Variants in CRADD observed in about 807,000 individuals in gnomAD.
The protein encoded by CRADD is death domain-containing protein CRADD.
A neutral mutation model predicts 15.5 loss-of-function variants in CRADD; 9 were observed. The observed-to-expected ratio is 0.58, with a 90% CI of 0.35 to 1.01. CRADD has a LOEUF of 1.01. Among genes scored for constraint, CRADD ranks in the 50% least tolerant of loss-of-function variants. CRADD has a pLI of 0.02. For missense variants in CRADD, 227 were observed against 250.3 expected, an observed-to-expected ratio of 0.91 and a Z score of 0.63; for synonymous variants, 118 against 107.6, an observed-to-expected ratio of 1.10 and a Z score of -0.60.
At position 93,738,185 on chromosome 12, in the gene CRADD, G is replaced by C. The variant is rs746391045; in HGVS notation, c.298+59113G>C. The C allele has an allele frequency of 1.6e-5, 10 of 607,720 alleles. No individual in the cohort carries two copies. In the African/African-American group the frequency reaches 1.7e-4, roughly 10 times the overall value. The allele number at this position is 607,720 out of a possible 1,614,324, so 37.6% of individuals were successfully genotyped here. On this transcript the variant is annotated intron_variant, in intron 2 of 2. Transcript: ENST00000332896. The stretch of plus-strand genomic sequence containing the variant: ...TCAGTTGGAACAAAACAACAGCGCT[G>C]CTCATTTTTTGCAGGGTTAGAGGAA...
intron 2 of CRADD, among the ~76,000 whole-genome samples, chr12:93,754,612 G>T (rs550119608): frequency 6.6e-6 from 1 of 152,294 alleles, no homozygotes; most frequent in South Asian, 2.1e-4. Context: ...CTTTGCTAAA[G>T]CATAGCAAGA....
At chr12:93,707,840 A>G (rs1358739068) in intron 2 of CRADD, 2 of 152,226 alleles carry the variant, frequency 1.3e-5, no homozygotes, top group Non-Finnish European at 2.9e-5. Flanking sequence ...CAGGTGGCTT[A>G]AAGTGCAAAT....
intron 2 of CRADD, among the ~76,000 whole-genome samples, chr12:93,879,832 G>A (rs1723425051): frequency 6.6e-6 from 1 of 152,174 alleles, no homozygotes; most frequent in African/African-American, 2.4e-5. Flanking sequence ...GAGAGGTGGG[G>A]CACTGGCCTG....
At position 93,850,346 on chromosome 12, in the gene CRADD, G is replaced by A. The variant is rs1958203156; in HGVS notation, c.*75G>A. 1 of 1,492,282 alleles carries A rather than the reference G, an allele frequency of 6.7e-7. No individual in the cohort carries two copies. Among genetic ancestry groups the A allele is most frequent in the Non-Finnish European group, 8.9e-7 (1 of 1,126,574 alleles). 92.4% of individuals were successfully genotyped at this position (1,492,282 alleles called of 1,614,324 possible). A position where few individuals can be genotyped will look rare whatever the true frequency, so the allele number is the denominator to read the frequency against. On this transcript the variant is annotated 3_prime_UTR_variant, in exon 3 of 3. Coordinates refer to ENST00000332896, the MANE Select transcript of CRADD (RefSeq NM_003805.5). The surrounding 1 kb of genome is among the most constrained non-coding windows in gnomAD (Gnocchi z 4.0). ...GAATCCTGACTTTCACTCAGAGCAG[G>A]TGGTTTTTTGTGTAGGTTTGTTTTT...
intron 2 of CRADD, among the ~76,000 whole-genome samples, chr12:93,774,898 C>G (rs190435897): frequency 2.6e-5 from 4 of 152,090 alleles, no homozygotes; most frequent in African/African-American, 9.7e-5. Context: ...GTGGAAGGGA[C>G]CAGCTGCTAG....
Position 93,871,885 on chromosome 12 carries a change from A to G in CRADD, c.299-22165A>G, listed in dbSNP as rs548866197. On this transcript the variant is annotated intron_variant, in intron 2 of 2. Coordinates refer to the CRADD transcript ENST00000548483. ...CTGCAACAAACATAGGAGTGCAGAT[A>G]TCTCTTTGATGTATGGATTTTCTTT... 6.6e-5 allele frequency among the ~76,000 whole-genome samples: 10 copies of G among 152,318 alleles called. No homozygotes were observed. In the South Asian group the frequency reaches 1.7e-3, roughly 25 times the overall value.
intron 2 of CRADD, among the ~76,000 whole-genome samples, chr12:93,827,562 A>T (rs1435922635): frequency 1.3e-5 from 2 of 152,124 alleles, no homozygotes; most frequent in African/African-American, 4.8e-5. Flanking sequence ...TTTTCTCTTT[A>T]TTAAACACCT....
chr12:93,882,914 AT>A (rs1283944021), intron 2 of CRADD, among the ~76,000 whole-genome samples: 1 of 151,792 alleles, frequency 6.6e-6, no homozygotes, highest in African/African-American at 2.4e-5. Flanking sequence ...TTTCCTTTCC[AT>A]TCTGTGATTC....
chr12:93,802,853 A>C (rs931633344), intron 2 of CRADD, among the ~76,000 whole-genome samples: 10 of 152,128 alleles, frequency 6.6e-5, no homozygotes, highest in African/African-American at 2.4e-4. Flanking sequence ...TCTGTGTAAA[A>C]GGTTTCTCTG....
chr12:93,815,483 T>C (rs1279350276), intron 2 of CRADD: 1 of 152,252 alleles, frequency 6.6e-6, no homozygotes, highest in African/African-American at 2.4e-5. Context: ...ACATTTTCTG[T>C]AAGCTATTTT....
chr12:93,767,680 A>G (rs1957040321), intron 2 of CRADD, among the ~76,000 whole-genome samples: 2 of 152,196 alleles, frequency 1.3e-5, no homozygotes, highest in South Asian at 4.1e-4. Flanking sequence ...TTGAATCTTT[A>G]TGCATTTAAT....
chr12:93,828,273 A>G (rs762905424), intron 2 of CRADD, among the ~76,000 whole-genome samples: 1 of 152,196 alleles, frequency 6.6e-6, no homozygotes, highest in South Asian at 2.1e-4. Flanking sequence ...TTAATTTTCT[A>G]AACAGTGTCT....
chr12:93,681,717 C>G (rs1039917235), intron 2 of CRADD, among the ~76,000 whole-genome samples: 1 of 152,176 alleles, frequency 6.6e-6, no homozygotes, highest in African/African-American at 2.4e-5. Context: ...CCAATCTTGT[C>G]TCATTCCCAA....
intron 2 of CRADD, among the ~76,000 whole-genome samples, chr12:93,865,187 A>C (rs944293769): frequency 3.3e-5 from 5 of 152,106 alleles, no homozygotes; most frequent in African/African-American, 1.2e-4. Flanking sequence ...AGCACAGAAA[A>C]GCTTTTCATA....
intron 2 of CRADD, among the ~76,000 whole-genome samples, chr12:93,822,700 T>C (rs779575559): frequency 1.1e-4 from 16 of 152,210 alleles, no homozygotes; most frequent in Non-Finnish European, 2.1e-4. Flanking sequence ...TTGTTTCTCA[T>C]TGGAGTCTAG....
At chr12:93,752,119 G>A (rs562582472) in intron 2 of CRADD, among the ~76,000 whole-genome samples, 31 of 152,338 alleles carry the variant, frequency 2.0e-4, no homozygotes, top group African/African-American at 6.5e-4. Context: ...TGCTAAGGGC[G>A]CTATGACCAT....
At chr12:93,685,018 A>T (rs879691170) in intron 2 of CRADD, among the ~76,000 whole-genome samples, 1 of 152,172 alleles carries the variant, frequency 6.6e-6, no homozygotes, top group Non-Finnish European at 1.5e-5. Context: ...TGGATGTGGG[A>T]TTAAGTAATA....
intron 2 of CRADD, among the ~76,000 whole-genome samples, chr12:93,783,820 GA>G (rs1250694485): frequency 6.6e-6 from 1 of 152,194 alleles, no homozygotes; most frequent in Non-Finnish European, 1.5e-5. Context: ...ATGAACAAGT[GA>G]AATTCTGCAC....
At chr12:93,680,261 C>T (rs961805580) in intron 2 of CRADD, among the ~76,000 whole-genome samples, 1 of 149,448 alleles carries the variant, frequency 6.7e-6, no homozygotes, top group African/African-American at 2.5e-5. Flanking sequence ...AATCAAGGTT[C>T]TCTGGGGTTT....
Sources: gnomAD v4.1 joint callset for allele counts (sites outside exome capture counted in the v4.1 genomes callset) on GRCh38, gnomAD v4.1.1 for gene constraint, Gnocchi (gnomAD v3.1) non-coding constraint, MANE v1.5 for transcripts, NCBI Gene and HGNC (gene_info 2026-07-23, HGNC 2026-07-21) for gene names.